Variants in EEFSEC observed in about 807,000 individuals in gnomAD.
EEFSEC encodes selenocysteine-specific elongation factor.
Under a neutral mutation model 42.1 loss-of-function variants are expected in EEFSEC, and 43 were observed. The ratio of observed to expected loss-of-function variants is 1.02; its 90% CI spans 0.80 to 1.32. The LOEUF (loss-of-function observed/expected upper bound fraction) is 1.32. EEFSEC is among the 40% of genes most tolerant of loss of function. EEFSEC has a pLI of 0.00. For missense variants in EEFSEC, 745 were observed against 803.6 expected, an observed-to-expected ratio of 0.93 and a Z score of 0.88; for synonymous variants, 354 against 339.1, an observed-to-expected ratio of 1.04 and a Z score of -0.48.
At chr3:128,232,331 G>A (rs1332926409) in intron 1 of EEFSEC, among the ~76,000 whole-genome samples, 1 of 151,888 alleles carries the variant, frequency 6.6e-6, no homozygotes, top group Non-Finnish European at 1.5e-5. Context: ...GGAAAACGAG[G>A]GGAAAAAAGT....
intron 6 of EEFSEC, among the ~76,000 whole-genome samples, chr3:128,389,413 A>G (rs1047964580): frequency 1.3e-5 from 2 of 152,230 alleles, no homozygotes; most frequent in African/African-American, 4.8e-5. Flanking sequence ...TTTTCTGTTC[A>G]GCCTTGGTTG....
chr3:128,423,799 T>C, the EEFSEC span, among the ~76,000 whole-genome samples: 58 of 152,344 alleles, frequency 3.8e-4, no homozygotes, highest in Middle Eastern at 3.4e-3. Flanking sequence ...ATTGTACACT[T>C]TAAGTGGGGG....
At chr3:128,332,095 A>AATACCATAT (rs997019730) in intron 4 of EEFSEC, among the ~76,000 whole-genome samples, 2 of 152,218 alleles carry the variant, frequency 1.3e-5, no homozygotes, top group African/African-American at 4.8e-5. Flanking sequence ...GTCAAAAAAG[A>AATACCATAT]ATACCATATA....
chr3:128,265,834 C>T (rs146473201), intron 4 of EEFSEC, among the ~76,000 whole-genome samples: 32 of 152,240 alleles, frequency 2.1e-4, no homozygotes, highest in African/African-American at 6.7e-4. Context: ...TCTATAGATA[C>T]ATAGGTAAAG....
intron 1 of EEFSEC, among the ~76,000 whole-genome samples, chr3:128,159,995 T>C (rs2065163611): frequency 6.6e-6 from 1 of 152,266 alleles, no homozygotes; most frequent in Admixed American, 6.5e-5. Flanking sequence ...ACCAGTGTTC[T>C]CAGCACTTGG....
chr3:128,242,789 G>C (rs116379137), intron 1 of EEFSEC, among the ~76,000 whole-genome samples: 2,866 of 152,220 alleles, frequency 0.019, 71 homozygotes, highest in Non-Finnish European at 0.021. Context: ...GGATACTATA[G>C]TCAGTACAAC....
intron 4 of EEFSEC, among the ~76,000 whole-genome samples, chr3:128,278,541 G>A (rs1285564841): frequency 6.6e-6 from 1 of 152,224 alleles, no homozygotes; most frequent in Non-Finnish European, 1.5e-5. Flanking sequence ...TGACATAAGT[G>A]TCTGAAGCTC....
intron 1 of EEFSEC, among the ~76,000 whole-genome samples, chr3:128,198,736 G>C (rs2107813529): frequency 6.6e-6 from 1 of 152,276 alleles, no homozygotes; most frequent in Admixed American, 6.5e-5. Context: ...AATGCAGAGG[G>C]AGGGAACCTA....
At chr3:128,329,440 A>G (rs946955262) in intron 4 of EEFSEC, among the ~76,000 whole-genome samples, 1 of 150,106 alleles carries the variant, frequency 6.7e-6, no homozygotes, top group African/African-American at 2.5e-5. Context: ...TGATGCTCTC[A>G]GTCTGGACAG....
chr3:128,288,386 C>T (rs1032068214), intron 4 of EEFSEC, among the ~76,000 whole-genome samples: 1 of 152,196 alleles, frequency 6.6e-6, no homozygotes, highest in Non-Finnish European at 1.5e-5. Context: ...TATAAATCCA[C>T]ATATAAGTCG....
At chr3:128,358,158 C>T (rs957756324) in intron 5 of EEFSEC, 59 bp from the exon 6 acceptor site, 2 of 1,582,594 alleles carry the variant, frequency 1.3e-6, no homozygotes, top group African/African-American at 2.7e-5. Context: ...CACACAGTCA[C>T]AGCTCTTTCA....
chr3:128,362,283 C>A, intron 6 of EEFSEC: 1 of 502,086 alleles, frequency 2.0e-6, no homozygotes, highest in East Asian at 5.8e-5. Flanking sequence ...CCTGTTCCCA[C>A]TTTGCAGGGA....
At chr3:128,254,324 G>C (rs902320156) in intron 2 of EEFSEC, among the ~76,000 whole-genome samples, 4 of 152,216 alleles carry the variant, frequency 2.6e-5, no homozygotes, top group African/African-American at 9.7e-5. Flanking sequence ...CCACTGGGAA[G>C]GGGTGCCATC....
At chr3:128,322,255 G>A (rs958305271) in intron 4 of EEFSEC, among the ~76,000 whole-genome samples, 1 of 152,236 alleles carries the variant, frequency 6.6e-6, no homozygotes, top group African/African-American at 2.4e-5. Context: ...GCTGGGTGAT[G>A]GCAGGCAAGT....
At chr3:128,252,928 G>A (rs1454047964) in intron 2 of EEFSEC, among the ~76,000 whole-genome samples, 1 of 152,054 alleles carries the variant, frequency 6.6e-6, no homozygotes, top group Admixed American at 6.6e-5. Context: ...TGCAGCTGCC[G>A]TCTCTGGCTG....
chr3:128,250,386 C>G (rs2066172941), intron 2 of EEFSEC, among the ~76,000 whole-genome samples: 4 of 148,438 alleles, frequency 2.7e-5, no homozygotes, highest in South Asian at 4.4e-4. Flanking sequence ...GTAGCTTTAG[C>G]TCTTAAGTTT....
chr3:128,421,614 C>T, the EEFSEC span, among the ~76,000 whole-genome samples: 1 of 152,194 alleles, frequency 6.6e-6, no homozygotes, highest in Non-Finnish European at 1.5e-5. Context: ...CGACTTTTCC[C>T]GAAGGTGACC....
intron 4 of EEFSEC, among the ~76,000 whole-genome samples, chr3:128,274,559 T>A (rs1454943635): frequency 6.6e-6 from 1 of 152,192 alleles, no homozygotes; most frequent in Admixed American, 6.5e-5. Context: ...GTGTGGGCCC[T>A]GGCCCAGGGT....
chr3:128,262,333 G>A, intron 3 of EEFSEC, 109 bp downstream of exon 3: 4 of 957,056 alleles, frequency 4.2e-6, no homozygotes, highest in East Asian at 2.5e-5. Flanking sequence ...CCTAGCAAGA[G>A]GACTCAGTTG....
Sources: allele counts gnomAD v4.1 joint callset (sites outside exome capture counted in the v4.1 genomes callset), GRCh38; gene constraint gnomAD v4.1.1; transcripts MANE v1.5; gene names NCBI Gene and HGNC (gene_info 2026-07-23, HGNC 2026-07-21).